Variants in STON2 observed in about 807,000 individuals in gnomAD.
STON2 encodes the protein stonin-2.
A neutral mutation model predicts 65.7 loss-of-function variants in STON2; 29 were observed. The ratio of observed to expected loss-of-function variants is 0.44; its 90% CI spans 0.33 to 0.60. The LOEUF (loss-of-function observed/expected upper bound fraction) is 0.60, where lower values mean the gene tolerates loss of function less well. STON2 is among the 20% of genes least tolerant of loss of function. STON2 has a pLI of 0.03. For missense variants in STON2, 1,054 were observed against 1,118.1 expected (o/e 0.94, Z 0.82); for synonymous variants, 404 against 414.2 (o/e 0.98, Z 0.30).
intron 5 of STON2, among the ~76,000 whole-genome samples, chr14:81,316,589 T>C (rs7154309): frequency 0.79 from 119,733 of 152,154 alleles, 47,262 homozygotes; most frequent in African/African-American, 0.8. Context: ...CTAATCTCAG[T>C]TGGCCATTAG....
At position 81,306,220 on chromosome 14, in the gene STON2, C is replaced by CTATTTTTTTTTT. The variant is rs1555397665; in HGVS notation, c.742+17796_742+17797insAAAAAAAAAATA. On this transcript the variant is annotated intron_variant, in intron 5 of 7. Coordinates refer to ENST00000614646, the MANE Select transcript of STON2 (RefSeq NM_001394390.1). ...TTATATATACACACACATACATACT[C>CTATTTTTTTTTT]TTTTTTTTTTTTTTTTTTTTTTTTT... Among the ~76,000 whole-genome samples the CTATTTTTTTTTT allele has an allele frequency of 1.9e-4, 13 of 69,490 alleles. 4 individuals carry two copies. The highest frequency in any genetic ancestry group is 2.8e-4 in the Non-Finnish European group (11 of 39,088). The allele number at this position is 69,490 out of a possible 152,430, so 45.6% of individuals were successfully genotyped here. A position where few individuals can be genotyped will look rare whatever the true frequency, so the allele number is the denominator to read the frequency against.
At chr14:81,435,136 A>T (rs1181894538) in intron 1 of STON2, among the ~76,000 whole-genome samples, 1 of 152,240 alleles carries the variant, frequency 6.6e-6, no homozygotes, top group Non-Finnish European at 1.5e-5. Flanking sequence ...TTCAAAGGTC[A>T]CAAAGCTTTT....
intron 4 of STON2, among the ~76,000 whole-genome samples, chr14:81,326,310 T>C (rs776258249): frequency 4.6e-5 from 7 of 152,144 alleles, no homozygotes; most frequent in Non-Finnish European, 8.8e-5. Flanking sequence ...TAAAATCTTG[T>C]AAAAACAGAG....
intron 2 of STON2, among the ~76,000 whole-genome samples, chr14:81,415,666 C>T (rs112215104): frequency 0.023 from 1,450 of 61,956 alleles, 31 homozygotes; most frequent in South Asian, 0.14. Flanking sequence ...GAGACTCCAT[C>T]GCAAAAAAAA....
rs140995623 is a variant in STON2 at position 81,309,365 on chromosome 14, G to A, written c.742+14652C>T. ...TCTAGTCTGTATAATTCTAGAATTT[G>A]CTAAATCTTGGTTTGAACAATATCT... On this transcript the variant is annotated intron_variant, in intron 5 of 7. Coordinates refer to ENST00000614646, the MANE Select transcript of STON2 (RefSeq NM_001394390.1). 1.5e-4 allele frequency among the ~76,000 whole-genome samples: 23 copies of A among 152,184 alleles called. No individual in the cohort carries two copies. The East Asian group carries it at 4.4e-3, about 29-fold the overall frequency.
At chr14:81,400,893 C>T (rs1465035589), upstream of STON2, among the ~76,000 whole-genome samples, 2 of 152,062 alleles carry the variant, frequency 1.3e-5, no homozygotes, top group Non-Finnish European at 1.5e-5. Flanking sequence ...TCCATAATTC[C>T]GAGGATTAAA....
chr14:81,344,577 T>G lies in STON2; in HGVS notation c.572-20390A>C, dbSNP rs1057065126. Among the ~76,000 whole-genome samples, 3 of 152,236 alleles carry G rather than the reference T, an allele frequency of 2.0e-5. No homozygotes were observed. The South Asian group carries it at 6.2e-4, about 31-fold the overall frequency. On this transcript the variant is annotated intron_variant, in intron 4 of 7. Transcript: ENST00000614646. ...TGCTTAGATAGCTGGGCTTTGCTTTTGCTAATATAAACACTGCAGTACTGT... is the reference window on the plus strand; with the variant it reads ...TGCTTAGATAGCTGGGCTTTGCTTTGGCTAATATAAACACTGCAGTACTGT...
chr14:81,317,722 G>A (rs928260565), intron 5 of STON2, among the ~76,000 whole-genome samples: 1 of 152,180 alleles, frequency 6.6e-6, no homozygotes, highest in Non-Finnish European at 1.5e-5. Context: ...CTTTTCACCT[G>A]AGAAAAACGG....
chr14:81,346,930 G>A (rs1897830891), intron 4 of STON2, among the ~76,000 whole-genome samples: 1 of 151,690 alleles, frequency 6.6e-6, no homozygotes, highest in South Asian at 2.1e-4. Context: ...GGGCTAAGAG[G>A]GAAACAATAA....
At position 81,265,985 on chromosome 14, in the gene STON2, C is replaced by G; in HGVS notation, c.*2429G>C. 2.0e-6 allele frequency: 2 copies of G among 985,328 alleles called. No individual in the cohort carries two copies. Among genetic ancestry groups the G allele is most frequent in the South Asian group, 4.7e-5 (1 of 21,282 alleles). 61.0% of individuals were successfully genotyped at this position (985,328 alleles called of 1,614,324 possible). A position where few individuals can be genotyped will look rare whatever the true frequency, so the allele number is the denominator to read the frequency against. ...TTCTATGAGGAATTAATCTCAAAAG[C>G]CTTCAGTACAACAGGGGAAGAGATA... On this transcript the variant is annotated 3_prime_UTR_variant, in exon 8 of 8. Coordinates refer to ENST00000614646, the MANE Select transcript of STON2 (RefSeq NM_001394390.1).
At chr14:81,336,258 T>A (rs1282581982) in intron 4 of STON2, among the ~76,000 whole-genome samples, 1 of 152,134 alleles carries the variant, frequency 6.6e-6, no homozygotes, top group Non-Finnish European at 1.5e-5. Context: ...ACTGCATACC[T>A]CATTTCATTC....
At chr14:81,358,944 G>C (rs1377267986) in intron 4 of STON2, among the ~76,000 whole-genome samples, 1 of 151,972 alleles carries the variant, frequency 6.6e-6, no homozygotes. Context: ...TAATCATATC[G>C]GACTTGAATA....
At chr14:81,327,542 G>C (rs568814022) in intron 4 of STON2, among the ~76,000 whole-genome samples, 2 of 152,254 alleles carry the variant, frequency 1.3e-5, no homozygotes, top group Admixed American at 6.5e-5. Context: ...ACTGGCGTTT[G>C]ATAAGTTCTG....
intron 2 of STON2, among the ~76,000 whole-genome samples, chr14:81,397,364 C>T (rs1318714364): frequency 6.6e-6 from 1 of 152,112 alleles, no homozygotes; most frequent in Non-Finnish European, 1.5e-5. Flanking sequence ...TTTAATAATA[C>T]ACATTTCAAC....
At chr14:81,271,977 C>T (rs1014058275) in intron 6 of STON2, among the ~76,000 whole-genome samples, 1 of 152,222 alleles carries the variant, frequency 6.6e-6, no homozygotes, top group Middle Eastern at 3.4e-3. Flanking sequence ...AAAACTGAAC[C>T]TAGCGGGAGG....
At chr14:81,326,415 C>T (rs1897005969) in intron 4 of STON2, among the ~76,000 whole-genome samples, 1 of 152,146 alleles carries the variant, frequency 6.6e-6, no homozygotes, top group South Asian at 2.1e-4. Flanking sequence ...CTCCTTTTTA[C>T]TGATGATGGA....
At chr14:81,334,490 C>T (rs1055295916) in intron 4 of STON2, among the ~76,000 whole-genome samples, 7 of 152,176 alleles carry the variant, frequency 4.6e-5, no homozygotes, top group African/African-American at 1.4e-4. Flanking sequence ...CAGCAACCCC[C>T]TTTTATTATT....
At chr14:81,347,732 CCT>C (rs200934165) in intron 4 of STON2, among the ~76,000 whole-genome samples, 2,673 of 133,810 alleles carry the variant, frequency 0.02, 43 homozygotes, top group Non-Finnish European at 0.03. Context: ...TGTGAGACCC[CCT>C]CCCCCTTCTC....
chr14:81,301,707 T>C (rs1895976853), intron 5 of STON2, among the ~76,000 whole-genome samples: 1 of 152,210 alleles, frequency 6.6e-6, no homozygotes, highest in Non-Finnish European at 1.5e-5. Flanking sequence ...GAAATGTGAA[T>C]AATTACTCAA....
Sources: gnomAD v4.1 joint callset for allele counts (sites outside exome capture counted in the v4.1 genomes callset) on GRCh38, gnomAD v4.1.1 for gene constraint, MANE v1.5 for transcripts, NCBI Gene and HGNC (gene_info 2026-07-23, HGNC 2026-07-21) for gene names.